Variants in SDCCAG8 observed in about 807,000 individuals in gnomAD.
The protein encoded by SDCCAG8 is SHH signaling and ciliogenesis regulator SDCCAG8.
A neutral mutation model predicts 101.8 loss-of-function variants in SDCCAG8; 74 were observed. That is an observed-to-expected ratio of 0.73 (90% CI 0.60 to 0.88). The LOEUF (loss-of-function observed/expected upper bound fraction) is 0.88. SDCCAG8 is among the 40% of genes least tolerant of loss of function. The pLI, the probability that SDCCAG8 is intolerant of heterozygous loss-of-function variation, is 0.00. For missense variants in SDCCAG8, 787 were observed against 822.6 expected, an observed-to-expected ratio of 0.96 and a Z score of 0.53; for synonymous variants, 281 against 292.9, an observed-to-expected ratio of 0.96 and a Z score of 0.41.
chr1:243,417,454 A>C (rs1437663205), intron 14 of SDCCAG8, among the ~76,000 whole-genome samples: 1 of 152,188 alleles, frequency 6.6e-6, no homozygotes, highest in African/African-American at 2.4e-5. Context: ...AAGAAAATAC[A>C]CATTTTTACC....
At chr1:243,321,879 C>T (rs546730267) in intron 9 of SDCCAG8, among the ~76,000 whole-genome samples, 38 of 152,344 alleles carry the variant, frequency 2.5e-4, no homozygotes, top group Non-Finnish European at 4.4e-4. Flanking sequence ...GAACTCCTGA[C>T]CTCAAGTGAT....
chr1:243,490,682 C>T (rs886318517), intron 17 of SDCCAG8, among the ~76,000 whole-genome samples: 1 of 152,240 alleles, frequency 6.6e-6, no homozygotes, highest in Non-Finnish European at 1.5e-5. Flanking sequence ...CCCTTGGGCA[C>T]ACAGGCTGAG....
At chr1:243,470,565 G>A (rs1344217881) in intron 16 of SDCCAG8, among the ~76,000 whole-genome samples, 1 of 151,574 alleles carries the variant, frequency 6.6e-6, no homozygotes, top group African/African-American at 2.4e-5. Context: ...CAGGCCAGGG[G>A]AGCCAGGATT....
chr1:243,256,056 G>A lies in SDCCAG8; in HGVS notation c.-118G>A. The A allele has an allele frequency of 1.1e-6, 1 of 946,438 alleles. No homozygotes were observed. Among genetic ancestry groups the A allele is most frequent in the East Asian group, 2.4e-5 (1 of 41,874 alleles). The allele number at this position is 946,438 out of a possible 1,614,324, so 58.6% of individuals were successfully genotyped here. On this transcript the variant is annotated 5_prime_UTR_variant, in exon 1 of 18. The change creates a new upstream start codon in the 5' untranslated region. Transcript: ENST00000366541. Reference sequence around the variant, plus strand: ...TCTGTGCGGGATTCTAGGCTCCCCTGTGACAGCCGCGGCAGGAAGCAGGCG... The same window carrying A: ...TCTGTGCGGGATTCTAGGCTCCCCTATGACAGCCGCGGCAGGAAGCAGGCG...
intron 3 of SDCCAG8, among the ~76,000 whole-genome samples, chr1:243,273,446 C>T (rs764659278): frequency 6.6e-6 from 1 of 152,100 alleles, no homozygotes; most frequent in Non-Finnish European, 1.5e-5. Flanking sequence ...CAGTCAGTTC[C>T]AGGAATGCTA....
intron 17 of SDCCAG8, among the ~76,000 whole-genome samples, chr1:243,496,554 G>A (rs993881342): frequency 6.6e-6 from 1 of 152,234 alleles, no homozygotes; most frequent in African/African-American, 2.4e-5. Context: ...AGCAGGGGGG[G>A]AAGGGGTTGT....
intron 6 of SDCCAG8, among the ~76,000 whole-genome samples, chr1:243,299,633 C>T (rs1388840374): frequency 7.3e-5 from 11 of 151,706 alleles, no homozygotes; most frequent in Admixed American, 6.6e-5. Context: ...AGGCTGGTCT[C>T]GAATTCCTAA....
chr1:243,330,804 A>G (rs773057085), intron 10 of SDCCAG8, 112 bp downstream of exon 10: 156 of 996,236 alleles, frequency 1.6e-4, no homozygotes, highest in Non-Finnish European at 2.2e-4. Context: ...TAAAATCGTT[A>G]TTATATAAGT....
chr1:243,351,665 A>G (rs912457849), intron 12 of SDCCAG8, among the ~76,000 whole-genome samples: 7 of 152,218 alleles, frequency 4.6e-5, no homozygotes, highest in African/African-American at 1.7e-4. Flanking sequence ...TCAGCCTAAC[A>G]TATGTCTAAT....
intron 1 of SDCCAG8, among the ~76,000 whole-genome samples, chr1:243,261,155 G>T (rs2067165049): frequency 2.0e-5 from 3 of 152,096 alleles, no homozygotes; most frequent in African/African-American, 7.2e-5. Context: ...TTTCTTCCTT[G>T]CTCCCTCCCT....
intron 13 of SDCCAG8, among the ~76,000 whole-genome samples, chr1:243,383,182 G>T (rs976976144): frequency 6.6e-6 from 1 of 152,138 alleles, no homozygotes; most frequent in Non-Finnish European, 1.5e-5. Context: ...TATAAGAAAA[G>T]AATAAAGAAG....
intron 13 of SDCCAG8, among the ~76,000 whole-genome samples, chr1:243,404,039 C>G (rs1238201410): frequency 2.6e-5 from 4 of 152,214 alleles, no homozygotes; most frequent in African/African-American, 4.8e-5. Context: ...GATGCTAAGT[C>G]TAGCACACAC....
intron 15 of SDCCAG8, 150 bp downstream of exon 15, chr1:243,418,226 A>G (rs2080741357): frequency 1.2e-5 from 8 of 654,098 alleles, no homozygotes; most frequent in Non-Finnish European, 1.9e-5. Flanking sequence ...CTACATATGG[A>G]CATTTTCTTA....
intron 10 of SDCCAG8, among the ~76,000 whole-genome samples, chr1:243,335,487 T>C (rs772482131): frequency 3.3e-5 from 5 of 152,232 alleles, no homozygotes; most frequent in East Asian, 1.9e-4. Flanking sequence ...GAATTCCTGA[T>C]AAGAAAGGAA....
intron 6 of SDCCAG8, among the ~76,000 whole-genome samples, chr1:243,299,804 G>A (rs913178437): frequency 6.6e-6 from 1 of 151,662 alleles, no homozygotes; most frequent in African/African-American, 2.4e-5. Context: ...TTGCTATTTG[G>A]CTTCTTCTTT....
rs181161764 is a variant in SDCCAG8 at position 243,498,818 on chromosome 1, T to G, written c.2113-938T>G. ...GAGAGGGGCAGGCCCACTTCTCTTTTTGGAAGATGGTTCCTAACTAAAGAA... is the reference window on the plus strand; with the variant it reads ...GAGAGGGGCAGGCCCACTTCTCTTTGTGGAAGATGGTTCCTAACTAAAGAA... On this transcript the variant is annotated intron_variant, in intron 17 of 17. Coordinates refer to ENST00000366541, the MANE Select transcript of SDCCAG8 (RefSeq NM_006642.5). Among the ~76,000 whole-genome samples the G allele has an allele frequency of 3.3e-5, 5 of 152,328 alleles. No individual in the cohort carries two copies. In the South Asian group the frequency reaches 8.3e-4, roughly 25 times the overall value.
chr1:243,448,484 G>A (rs2083101151), intron 16 of SDCCAG8, among the ~76,000 whole-genome samples: 1 of 152,188 alleles, frequency 6.6e-6, no homozygotes, highest in Admixed American at 6.5e-5. Flanking sequence ...ACAGGGGCCT[G>A]TGGTAGGCTT....
At chr1:243,343,535 T>C (rs2075510254) in intron 11 of SDCCAG8, among the ~76,000 whole-genome samples, 1 of 152,254 alleles carries the variant, frequency 6.6e-6, no homozygotes, top group Admixed American at 6.5e-5. Context: ...TGGTGCCGTA[T>C]TACAATTATT....
At chr1:243,486,777 G>A (rs1036888599) in intron 16 of SDCCAG8, among the ~76,000 whole-genome samples, 2 of 152,252 alleles carry the variant, frequency 1.3e-5, no homozygotes, top group African/African-American at 4.8e-5. Context: ...GGGACCACAT[G>A]GACAATGGCT....
Sources: allele counts gnomAD v4.1 joint callset (sites outside exome capture counted in the v4.1 genomes callset), GRCh38; gene constraint gnomAD v4.1.1; transcripts MANE v1.5; gene names NCBI Gene and HGNC (gene_info 2026-07-23, HGNC 2026-07-21).